The following ARHGEF28 variants were observed in gnomAD, a reference collection of about 807,000 sequenced individuals.
ARHGEF28 encodes 190 kDa guanine nucleotide exchange factor.
A neutral mutation model predicts 206.6 loss-of-function variants in ARHGEF28; 152 were observed. The observed-to-expected ratio is 0.74, with a 90% CI of 0.64 to 0.84. The LOEUF (loss-of-function observed/expected upper bound fraction) is 0.84. ARHGEF28 is among the 40% of genes least tolerant of loss of function. ARHGEF28 has a pLI of 0.00. For synonymous variants in ARHGEF28, 763 were observed against 776.4 expected, an observed-to-expected ratio of 0.98 and a Z score of 0.29; for missense variants, 2,028 against 2,073.2, an observed-to-expected ratio of 0.98 and a Z score of 0.42.
intron 2 of ARHGEF28, among the ~76,000 whole-genome samples, chr5:73,690,525 C>CAAAAAAAAAAAA (rs71615796): frequency 4.3e-5 from 1 of 23,356 alleles, no homozygotes; most frequent in Non-Finnish European, 1.3e-4. Flanking sequence ...TCTGTCTTTA[C>CAAAAAAAAAAAA]AAAAAAAAAA....
chr5:73,895,199 T>C (rs1295180199), intron 29 of ARHGEF28, among the ~76,000 whole-genome samples: 1 of 152,038 alleles, frequency 6.6e-6, no homozygotes, highest in Admixed American at 6.6e-5. Context: ...GTGTGGAGAA[T>C]AGACTTAAGA....
At chr5:73,932,286 A>G (rs1260349136) in intron 35 of ARHGEF28, among the ~76,000 whole-genome samples, 1 of 152,204 alleles carries the variant, frequency 6.6e-6, no homozygotes, top group Non-Finnish European at 1.5e-5. Context: ...CATGGCGTAA[A>G]GAGCTTGAAG....
At chr5:73,707,889 A>G (rs893421226) in intron 2 of ARHGEF28, among the ~76,000 whole-genome samples, 20 of 152,292 alleles carry the variant, frequency 1.3e-4, no homozygotes, top group African/African-American at 4.8e-4. Context: ...GAGTAATCCT[A>G]TCCTGGCTGG....
intron 7 of ARHGEF28, among the ~76,000 whole-genome samples, chr5:73,792,642 C>CT (rs397943639): frequency 0.083 from 10,123 of 122,038 alleles, 934 homozygotes; most frequent in African/African-American, 0.21. Flanking sequence ...TCCTTCCCTT[C>CT]TTTTTTTTTT....
intron 1 of ARHGEF28, among the ~76,000 whole-genome samples, chr5:73,654,581 C>G (rs902891978): frequency 6.6e-6 from 1 of 152,180 alleles, no homozygotes; most frequent in Non-Finnish European, 1.5e-5. Flanking sequence ...AACCAGAAAT[C>G]TGGAATTCAC....
At chr5:73,788,049 G>A (rs1400135367) in intron 7 of ARHGEF28, among the ~76,000 whole-genome samples, 1 of 152,064 alleles carries the variant, frequency 6.6e-6, no homozygotes, top group Non-Finnish European at 1.5e-5. Context: ...GTTCCCCAGA[G>A]CTCACCTAGA....
intron 1 of ARHGEF28, among the ~76,000 whole-genome samples, chr5:73,641,601 C>T (rs1317660117): frequency 3.3e-5 from 5 of 151,988 alleles, no homozygotes; most frequent in Admixed American, 1.3e-4. Flanking sequence ...TAAAAATTAT[C>T]GCATCTGGAT....
intron 1 of ARHGEF28, among the ~76,000 whole-genome samples, chr5:73,628,973 T>G (rs1203610362): frequency 6.6e-6 from 1 of 152,242 alleles, no homozygotes; most frequent in Non-Finnish European, 1.5e-5. Context: ...CACTCTACTA[T>G]TTTGCCATTT....
intron 7 of ARHGEF28, among the ~76,000 whole-genome samples, chr5:73,791,079 A>G (rs1367225243): frequency 1.3e-5 from 2 of 152,242 alleles, no homozygotes; most frequent in Non-Finnish European, 2.9e-5. Context: ...GTCCTGATCC[A>G]CAGCTTGTCT....
intron 35 of ARHGEF28, among the ~76,000 whole-genome samples, chr5:73,935,432 C>T (rs1463232676): frequency 6.6e-6 from 1 of 152,034 alleles, no homozygotes; most frequent in African/African-American, 2.4e-5. Context: ...ATTTGTGGCT[C>T]ACTATGGAAA....
intron 9 of ARHGEF28, among the ~76,000 whole-genome samples, chr5:73,803,890 C>G (rs1755280529): frequency 6.6e-6 from 1 of 151,966 alleles, no homozygotes; most frequent in African/African-American, 2.4e-5. Flanking sequence ...AGTTCAAGAC[C>G]AACCTGGGCA....
intron 9 of ARHGEF28, among the ~76,000 whole-genome samples, chr5:73,822,049 T>G (rs1756627462): frequency 6.6e-6 from 1 of 152,228 alleles, no homozygotes; most frequent in Admixed American, 6.5e-5. Context: ...GCTTGTTTTC[T>G]TCTTCAATAA....
At chr5:73,871,378 A>G (rs1254781680) in intron 21 of ARHGEF28, among the ~76,000 whole-genome samples, 3 of 152,372 alleles carry the variant, frequency 2.0e-5, no homozygotes, top group African/African-American at 4.8e-5. Context: ...CACTAAAAAC[A>G]TAGGAAATAA....
intron 9 of ARHGEF28, chr5:73,813,332 A>C: frequency 4.3e-6 from 1 of 235,214 alleles, no homozygotes; most frequent in Non-Finnish European, 6.9e-6. Flanking sequence ...AGCCACTCTT[A>C]GCTCCCCCAC....
rs920726925 is a variant in ARHGEF28 at position 73,873,378 on chromosome 5, C to T, written c.2814+132C>T. The stretch of plus-strand genomic sequence containing the variant: ...TAGTGACATTCTGAGGATGTGTTTA[C>T]CATCGTTAGATTGTAACTCCCAGTA... On this transcript the variant is annotated intron_variant, in intron 22 of 35. Coordinates refer to ENST00000513042, the MANE Select transcript of ARHGEF28 (RefSeq NM_001177693.2). The T allele has an allele frequency of 1.5e-5, 18 of 1,230,324 alleles. No individual in the cohort carries two copies. In the East Asian group the frequency reaches 4.6e-4, roughly 32 times the overall value. The allele number at this position is 1,230,324 out of a possible 1,614,324, so 76.2% of individuals were successfully genotyped here.
At chr5:73,649,095 G>A (rs1359462651) in intron 1 of ARHGEF28, among the ~76,000 whole-genome samples, 1 of 152,200 alleles carries the variant, frequency 6.6e-6, no homozygotes, top group Non-Finnish European at 1.5e-5. Context: ...GCATTATTAT[G>A]TATGATCCCC....
At chr5:73,825,679 G>A (rs561319046) in intron 9 of ARHGEF28, among the ~76,000 whole-genome samples, 2 of 152,176 alleles carry the variant, frequency 1.3e-5, no homozygotes, top group Non-Finnish European at 2.9e-5. Flanking sequence ...GGCTTGCCTG[G>A]TGTTGCAGTG....
At chr5:73,882,688 A>C in intron 23 of ARHGEF28, 94 bp downstream of exon 23, 1 of 1,184,828 alleles carries the variant, frequency 8.4e-7, no homozygotes, top group South Asian at 1.7e-5. Context: ...TTTCTTAGCT[A>C]ATGATGCTTT....
intron 31 of ARHGEF28, chr5:73,903,774 T>C (rs138744206): frequency 2.9e-3 from 480 of 165,498 alleles, no homozygotes; most frequent in African/African-American, 0.011. Context: ...ATCTCAAACA[T>C]TGAGAAAAGG....
Sources: allele counts gnomAD v4.1 joint callset (sites outside exome capture counted in the v4.1 genomes callset), GRCh38; gene constraint gnomAD v4.1.1; transcripts MANE v1.5; gene names NCBI Gene and HGNC (gene_info 2026-07-23, HGNC 2026-07-21).